The following TUSC3 variants were observed in gnomAD, a reference collection of about 807,000 sequenced individuals.
TUSC3 encodes tumor suppressor candidate 3.
Under a neutral mutation model 44.8 loss-of-function variants are expected in TUSC3, and 45 were observed. The observed-to-expected ratio is 1.00, with a 90% CI of 0.79 to 1.29. The LOEUF (loss-of-function observed/expected upper bound fraction) is 1.29, where lower values mean the gene tolerates loss of function less well. Ranked by LOEUF, TUSC3 falls within the 50% of genes most tolerant of loss-of-function variation. The pLI is 0.00. For missense variants in TUSC3, 519 were observed against 437.9 expected, an observed-to-expected ratio of 1.19 and a Z score of -1.65; for synonymous variants, 212 against 152.9, an observed-to-expected ratio of 1.39 and a Z score of -2.85.
rs1162849410 is a variant in TUSC3, at chr8:15,743,540, G to A, written c.865G>A (p.Ala289Thr). 1.9e-6 allele frequency: 3 copies of A among 1,613,880 alleles called. No individual in the cohort carries two copies. The highest frequency in any genetic ancestry group is 2.5e-6 in the Non-Finnish European group (3 of 1,179,832). Reference protein sequence around the residue: ...AESHIILVLNAAITMGMVLLN... With the variant: ...AESHIILVLNTAITMGMVLLN... ...GGCTTCCTTGACAACTACTGCAGAT[G>A]CCGCTATCACCATGGGGATGGTTCT... Residue 289 changes from alanine to threonine, a missense_variant and splice_region_variant, in exon 8 of 11, where the codon GCC becomes ACC. Transcript: ENST00000503731.
chr8:15,697,003 G>A (rs1449637840), intron 6 of TUSC3, among the ~76,000 whole-genome samples: 2 of 151,998 alleles, frequency 1.3e-5, no homozygotes, highest in African/African-American at 4.8e-5. Flanking sequence ...TATCAAATAA[G>A]CTAGGAGGGT....
At chr8:15,767,973 G>C (rs757032169), downstream of TUSC3, among the ~76,000 whole-genome samples, 3 of 152,082 alleles carry the variant, frequency 2.0e-5, no homozygotes, top group Non-Finnish European at 4.4e-5. Context: ...ACCCAGGGCA[G>C]GATCCATGTT....
At chr8:15,645,173 G>A (rs1302172661) in intron 2 of TUSC3, among the ~76,000 whole-genome samples, 4 of 152,040 alleles carry the variant, frequency 2.6e-5, no homozygotes, top group African/African-American at 9.7e-5. Flanking sequence ...TTCTCAAATA[G>A]TATTTTGCAT....
intron 1 of TUSC3, among the ~76,000 whole-genome samples, chr8:15,571,416 C>A (rs189457534): frequency 3.3e-5 from 5 of 152,130 alleles, no homozygotes; most frequent in Non-Finnish European, 7.3e-5. Flanking sequence ...TAGGTTTACA[C>A]TGTATTGTTG....
chr8:15,839,441 C>A, the TUSC3 span, among the ~76,000 whole-genome samples: 629 of 152,048 alleles, frequency 4.1e-3, 5 homozygotes, highest in Middle Eastern at 0.017. Context: ...AACAGGCAAC[C>A]CACAGAATGG....
At chr8:15,431,480 G>T (rs1440687592) in intron 1 of TUSC3, among the ~76,000 whole-genome samples, 2 of 151,448 alleles carry the variant, frequency 1.3e-5, no homozygotes, top group Admixed American at 1.3e-4. Flanking sequence ...CAAATTGTTT[G>T]TTGTTAGTGT....
chr8:15,499,005 AT>A (rs1244063873), intron 2 of TUSC3, among the ~76,000 whole-genome samples: 1 of 151,676 alleles, frequency 6.6e-6, no homozygotes, highest in Admixed American at 6.6e-5. Flanking sequence ...GTAGGTAGTT[AT>A]TTTTTTCTTT....
Position 15,673,855 on chromosome 8 carries a change from C to T in TUSC3, c.798+19C>T, listed in dbSNP as rs748795070. On this transcript the variant is annotated intron_variant, in intron 6 of 10. Coordinates refer to ENST00000503731, the MANE Select transcript of TUSC3 (RefSeq NM_006765.4). ...ACAAGTGGTAAGTGTAATTTATAAGCATGAATATTCTGAAGTTTAATCCAG... is the reference window on the plus strand; with the variant it reads ...ACAAGTGGTAAGTGTAATTTATAAGTATGAATATTCTGAAGTTTAATCCAG... 20 of 1,586,368 alleles carry T rather than the reference C, an allele frequency of 1.3e-5. No homozygotes were observed. The East Asian group carries it at 4.3e-4, about 34-fold the overall frequency.
chr8:15,550,894 A>T (rs1384466231), intron 1 of TUSC3, among the ~76,000 whole-genome samples: 2 of 151,682 alleles, frequency 1.3e-5, no homozygotes, highest in Non-Finnish European at 2.9e-5. Context: ...CTGGCCTTAA[A>T]TTCCTAACCT....
intron 2 of TUSC3, among the ~76,000 whole-genome samples, chr8:15,513,292 G>T (rs1801167336): frequency 6.6e-6 from 1 of 151,878 alleles, no homozygotes; most frequent in Admixed American, 6.6e-5. Flanking sequence ...CTATAGTCAT[G>T]GGTAAAAAAA....
chr8:15,618,306 T>G (rs1426977307), intron 1 of TUSC3, among the ~76,000 whole-genome samples: 1 of 152,234 alleles, frequency 6.6e-6, no homozygotes, highest in African/African-American at 2.4e-5. Flanking sequence ...TTTAATTTTT[T>G]TTAACTTTTT....
At chr8:15,851,395 G>A in the TUSC3 span, among the ~76,000 whole-genome samples, 2 of 152,102 alleles carry the variant, frequency 1.3e-5, no homozygotes, top group Non-Finnish European at 2.9e-5. Context: ...ATAACGATGC[G>A]ATGATAACAA....
At chr8:15,526,294 A>C (rs1385699979) in intron 2 of TUSC3, among the ~76,000 whole-genome samples, 5 of 152,058 alleles carry the variant, frequency 3.3e-5, no homozygotes, top group Admixed American at 2.0e-4. Context: ...CGGCCTCCCA[A>C]AGTGCTGGAT....
chr8:15,734,623 T>G (rs1416464482), intron 7 of TUSC3, among the ~76,000 whole-genome samples: 2 of 152,152 alleles, frequency 1.3e-5, no homozygotes, highest in Non-Finnish European at 2.9e-5. Flanking sequence ...TACAGAAAGG[T>G]AGGATGACAG....
chr8:15,604,097 T>C (rs1230699475), intron 1 of TUSC3, among the ~76,000 whole-genome samples: 1 of 151,742 alleles, frequency 6.6e-6, no homozygotes, highest in Non-Finnish European at 1.5e-5. Context: ...AGCGTCAATA[T>C]GCAGAGGTTT....
the TUSC3 span, among the ~76,000 whole-genome samples, chr8:15,803,577 G>A: frequency 6.6e-6 from 1 of 152,140 alleles, no homozygotes; most frequent in Non-Finnish European, 1.5e-5. Flanking sequence ...TAAGTTCTGG[G>A]ATACACGTGC....
chr8:15,806,754 C>A, the TUSC3 span: 1 of 783,164 alleles, frequency 1.3e-6, no homozygotes. Flanking sequence ...TAAAGCATTA[C>A]AGAGCCACCT....
chr8:15,593,035 C>G (rs1481514029), intron 1 of TUSC3, among the ~76,000 whole-genome samples: 1 of 151,974 alleles, frequency 6.6e-6, no homozygotes, highest in Non-Finnish European at 1.5e-5. Context: ...ATTCATTAGC[C>G]TATAGATAAT....
At position 15,541,715 on chromosome 8, in the gene TUSC3, A is replaced by G. The variant is rs7014302; in HGVS notation, c.138+1147A>G. 3.5e-3 allele frequency among the ~76,000 whole-genome samples: 530 copies of G among 152,230 alleles called. 2 individuals carry two copies. The highest frequency in any genetic ancestry group is 0.011 in the African/African-American group (477 of 41,574). On this transcript the variant is annotated intron_variant, in intron 1 of 10. Transcript: ENST00000503731. Reference sequence around the variant, plus strand: ...TAAGGGATTTAGAGAACCACTGTTAAACTGAAATTGTATTTACAAATATAA... The same window carrying G: ...TAAGGGATTTAGAGAACCACTGTTAGACTGAAATTGTATTTACAAATATAA...
Sources: gnomAD v4.1 joint callset for allele counts (sites outside exome capture counted in the v4.1 genomes callset) on GRCh38, gnomAD v4.1.1 for gene constraint, MANE v1.5 for transcripts, NCBI Gene and HGNC (gene_info 2026-07-23, HGNC 2026-07-21) for gene names.